Variants in GMDS observed in about 807,000 individuals in gnomAD.
The protein encoded by GMDS is GDP-mannose 4,6 dehydratase.
Under a neutral mutation model 49.9 loss-of-function variants are expected in GMDS, and 20 were observed. That is an observed-to-expected ratio of 0.40 (90% CI 0.28 to 0.58). GMDS has a LOEUF of 0.58. Among genes scored for constraint, GMDS ranks in the 20% least tolerant of loss-of-function variants. GMDS has a pLI of 0.42. For missense variants in GMDS, 362 were observed against 481.4 expected (o/e 0.75, Z 2.32); for synonymous variants, 177 against 178.6 (o/e 0.99, Z 0.07).
intron 6 of GMDS, among the ~76,000 whole-genome samples, chr6:1,936,019 C>G (rs1205324716): frequency 2.0e-5 from 3 of 152,046 alleles, no homozygotes; most frequent in African/African-American, 7.2e-5. Flanking sequence ...CATCTCATGC[C>G]CTGGAAACAG....
chr6:2,007,935 A>G (rs1043223986), intron 4 of GMDS, among the ~76,000 whole-genome samples: 11 of 152,190 alleles, frequency 7.2e-5, no homozygotes, highest in African/African-American at 2.7e-4. Context: ...TGGTTCCACA[A>G]GTTTTTTCAG....
At chr6:1,649,897 C>T (rs1161417835) in intron 9 of GMDS, among the ~76,000 whole-genome samples, 8 of 152,178 alleles carry the variant, frequency 5.3e-5, no homozygotes, top group Admixed American at 4.6e-4. Flanking sequence ...CCTGGCTTCA[C>T]AGTTTTCTAA....
intron 1 of GMDS, among the ~76,000 whole-genome samples, chr6:2,165,940 A>C (rs1266814605): frequency 6.6e-6 from 1 of 152,158 alleles, no homozygotes; most frequent in Non-Finnish European, 1.5e-5. Flanking sequence ...AGGTAAAAAA[A>C]TAAAGATAAA....
At chr6:2,131,888 C>T (rs975558324) in intron 1 of GMDS, among the ~76,000 whole-genome samples, 1 of 151,108 alleles carries the variant, frequency 6.6e-6, no homozygotes, top group African/African-American at 2.4e-5. Flanking sequence ...GCCACTCATA[C>T]TGAAGTTTTC....
At chr6:1,931,322 T>A (rs1020290202) in intron 6 of GMDS, among the ~76,000 whole-genome samples, 1 of 152,200 alleles carries the variant, frequency 6.6e-6, no homozygotes, top group Non-Finnish European at 1.5e-5. Context: ...TCTAAATAGG[T>A]TTTCCAAATT....
At chr6:1,627,990 C>T (rs1259218403) in intron 9 of GMDS, among the ~76,000 whole-genome samples, 7 of 152,156 alleles carry the variant, frequency 4.6e-5, no homozygotes, top group Non-Finnish European at 1.0e-4. Context: ...GCAATGTCTC[C>T]GTCCACACAG....
At position 1,773,641 on chromosome 6, in the gene GMDS, G is replaced by A. The variant is rs1323435263; in HGVS notation, c.772-31055C>T. Among the ~76,000 whole-genome samples, 3 of 152,354 alleles carry A rather than the reference G, an allele frequency of 2.0e-5. No individual in the cohort carries two copies. In the East Asian group the frequency reaches 5.8e-4, roughly 29 times the overall value. On this transcript the variant is annotated intron_variant, in intron 7 of 10. Coordinates refer to ENST00000380815, the MANE Select transcript of GMDS (RefSeq NM_001500.4). The stretch of plus-strand genomic sequence containing the variant: ...CCTGTGCTGAGCAGCATCGATGGCT[G>A]TCAGATGGACTGGCCCAGTTCTCCT...
Position 1,896,834 on chromosome 6 carries a change from C to T in GMDS, c.771+33269G>A, listed in dbSNP as rs145265824. On this transcript the variant is annotated intron_variant, in intron 7 of 10. Transcript: ENST00000380815. ...GACAGACTGACTGGGAGTCTTTTTC[C>T]GGTTAAGATAACAAGGTTACAAATC... Among the ~76,000 whole-genome samples the T allele has an allele frequency of 4.9e-3, 743 of 152,162 alleles. 8 individuals are homozygous for T. The highest frequency in any genetic ancestry group is 0.016 in the African/African-American group (677 of 41,510).
At chr6:1,905,580 C>T (rs1470581240) in intron 7 of GMDS, among the ~76,000 whole-genome samples, 1 of 136,004 alleles carries the variant, frequency 7.4e-6, no homozygotes. Context: ...GGGGCCAGCA[C>T]ATAGCTGTGG....
At chr6:1,948,528 A>G (rs1290118500) in intron 6 of GMDS, among the ~76,000 whole-genome samples, 1 of 152,152 alleles carries the variant, frequency 6.6e-6, no homozygotes, top group East Asian at 1.9e-4. Context: ...GTGGTAGTGT[A>G]CACCTGTCGA....
intron 1 of GMDS, among the ~76,000 whole-genome samples, chr6:2,130,034 T>C (rs1466394544): frequency 6.6e-6 from 1 of 152,036 alleles, no homozygotes; most frequent in East Asian, 1.9e-4. Context: ...AACCAAAAAA[T>C]AAAAATGAAA....
chr6:1,923,836 C>T (rs1392178361), intron 7 of GMDS, among the ~76,000 whole-genome samples: 1 of 152,212 alleles, frequency 6.6e-6, no homozygotes, highest in East Asian at 1.9e-4. Flanking sequence ...ATACAAAATG[C>T]TAGTAGAAGA....
rs140613070 is a variant in GMDS at position 2,044,123 on chromosome 6, A to G, written c.345+71648T>C. On this transcript the variant is annotated intron_variant, in intron 4 of 10. Coordinates refer to ENST00000380815, the MANE Select transcript of GMDS (RefSeq NM_001500.4). ...CTTACACACTGCTGGTGGGCATATA[A>G]ATTGTTCAAACACTGTGAAAAGCAG... is the stretch of plus-strand genomic sequence containing the variant. Among the ~76,000 whole-genome samples the G allele has an allele frequency of 1.4e-3, 214 of 152,330 alleles. 1 individual carries two copies. The highest frequency in any genetic ancestry group is 5.0e-3 in the African/African-American group (206 of 41,570).
chr6:1,681,446 A>C (rs1028681374), intron 9 of GMDS, among the ~76,000 whole-genome samples: 2 of 152,146 alleles, frequency 1.3e-5, no homozygotes, highest in African/African-American at 4.8e-5. Flanking sequence ...TCAGAATCTG[A>C]GGTTGTAAGA....
intron 7 of GMDS, among the ~76,000 whole-genome samples, chr6:1,816,884 G>A (rs1770694364): frequency 6.6e-6 from 1 of 151,466 alleles, no homozygotes; most frequent in Non-Finnish European, 1.5e-5. Context: ...TGGAAGGGGG[G>A]TGGTAGAGTT....
chr6:1,728,087 T>C (rs932709765), intron 8 of GMDS, among the ~76,000 whole-genome samples: 5 of 152,196 alleles, frequency 3.3e-5, no homozygotes, highest in African/African-American at 1.2e-4. Flanking sequence ...AAACGGTAAG[T>C]GGATGTTTTG....
chr6:1,983,057 A>T lies in GMDS; in HGVS notation c.346-22091T>A, dbSNP rs369137414. 4.4e-4 allele frequency among the ~76,000 whole-genome samples: 67 copies of T among 152,246 alleles called. 1 individual carries two copies. The South Asian group carries it at 0.013, about 30-fold the overall frequency. On this transcript the variant is annotated intron_variant, in intron 4 of 10. Coordinates refer to ENST00000380815, the MANE Select transcript of GMDS (RefSeq NM_001500.4). ...CATAGACCAATGAAACAGAATAGAGAACCCAAAAATGAGACCGCACACCCA... is the reference window on the plus strand; with the variant it reads ...CATAGACCAATGAAACAGAATAGAGTACCCAAAAATGAGACCGCACACCCA...
chr6:1,999,986 T>TGTATATA (rs1297113808), intron 4 of GMDS, among the ~76,000 whole-genome samples: 28 of 14,366 alleles, frequency 1.9e-3, no homozygotes, highest in Non-Finnish European at 2.9e-3. Flanking sequence ...ATATATTTTA[T>TGTATATA]ATATATATAT....
chr6:1,754,499 A>G (rs1767864741), intron 7 of GMDS, among the ~76,000 whole-genome samples: 1 of 152,222 alleles, frequency 6.6e-6, no homozygotes, highest in Non-Finnish European at 1.5e-5. Flanking sequence ...AAGCAAGAGA[A>G]AAAGAAGGAA....
Sources: gnomAD v4.1 joint callset for allele counts (sites outside exome capture counted in the v4.1 genomes callset) on GRCh38, gnomAD v4.1.1 for gene constraint, MANE v1.5 for transcripts, NCBI Gene and HGNC (gene_info 2026-07-23, HGNC 2026-07-21) for gene names.